Variants in TRMT11 observed in about 807,000 individuals in gnomAD.
TRMT11 encodes the protein tRNA (guanine(10)-N(2))-methyltransferase TRMT11.
TRMT11 carries 53 observed loss-of-function variants against 62.8 expected under a neutral mutation model. The ratio of observed to expected loss-of-function variants is 0.84; its 90% CI spans 0.68 to 1.06. TRMT11 has a LOEUF of 1.06. TRMT11 is among the 50% of genes least tolerant of loss of function. The pLI, the probability that TRMT11 is intolerant of heterozygous loss-of-function variation, is 0.00. For synonymous variants in TRMT11, 188 were observed against 190.3 expected (o/e 0.99, Z 0.10); for missense variants, 556 against 553.4 (o/e 1.00, Z -0.05).
the TRMT11 span, among the ~76,000 whole-genome samples, chr6:126,211,529 T>C: frequency 2.6e-5 from 4 of 152,132 alleles, no homozygotes; most frequent in South Asian, 8.3e-4. Context: ...ATAACTCTTA[T>C]AATCCACTCT....
intron 21 of TRMT11, among the ~76,000 whole-genome samples, chr6:126,165,529 C>T (rs1033653344): frequency 2.0e-5 from 3 of 152,056 alleles, no homozygotes; most frequent in Non-Finnish European, 1.5e-5. Flanking sequence ...TTTATTTCTC[C>T]TTTGCTTATG....
chr6:126,078,125 A>G (rs1480736272), intron 17 of TRMT11, among the ~76,000 whole-genome samples: 1 of 152,160 alleles, frequency 6.6e-6, no homozygotes, highest in Admixed American at 6.5e-5. Context: ...AATCTAGCCC[A>G]TCCATTCTTA....
chr6:126,207,100 G>A (rs747509404), downstream of TRMT11, among the ~76,000 whole-genome samples: 5 of 152,182 alleles, frequency 3.3e-5, no homozygotes, highest in East Asian at 1.9e-4. Context: ...TCTCCACTTC[G>A]AATTGAATGA....
At chr6:126,058,880 G>T (rs1229446286) in intron 17 of TRMT11, among the ~76,000 whole-genome samples, 15 of 151,934 alleles carry the variant, frequency 9.9e-5, no homozygotes, top group Admixed American at 9.8e-4. Context: ...AAAAGGATAG[G>T]GCCCACGGAG....
At chr6:126,063,476 G>A (rs1438973407) in intron 17 of TRMT11, among the ~76,000 whole-genome samples, 1 of 152,204 alleles carries the variant, frequency 6.6e-6, no homozygotes, top group African/African-American at 2.4e-5. Context: ...AGTTCTGTTT[G>A]ATTTTGTGAA....
At chr6:126,053,308 TG>T (rs1402162096) in intron 17 of TRMT11, among the ~76,000 whole-genome samples, 1 of 152,212 alleles carries the variant, frequency 6.6e-6, no homozygotes, top group African/African-American at 2.4e-5. Flanking sequence ...GTGTTTCTGA[TG>T]TTTTGACATC....
intron 12 of TRMT11, among the ~76,000 whole-genome samples, chr6:126,036,069 C>A (rs1162043888): frequency 6.6e-6 from 1 of 152,010 alleles, no homozygotes; most frequent in African/African-American, 2.4e-5. Flanking sequence ...TACTGCAGTT[C>A]TAGAATATTC....
chr6:126,020,613 A>C (rs1383225949), intron 11 of TRMT11, among the ~76,000 whole-genome samples: 1 of 152,224 alleles, frequency 6.6e-6, no homozygotes, highest in Admixed American at 6.5e-5. Flanking sequence ...GTTGTAGTTT[A>C]TTTGAATAAT....
chr6:126,047,443 C>T (rs1216790515), intron 16 of TRMT11, among the ~76,000 whole-genome samples: 1 of 151,716 alleles, frequency 6.6e-6, no homozygotes, highest in Non-Finnish European at 1.5e-5. Flanking sequence ...GATCATCTTC[C>T]CACTCCATCC....
chr6:126,263,069 C>T, the TRMT11 span, among the ~76,000 whole-genome samples: 1 of 152,040 alleles, frequency 6.6e-6, no homozygotes, highest in African/African-American at 2.4e-5. Context: ...CTATTCTCTT[C>T]AGTGTTAAAG....
At chr6:126,148,081 C>T (rs1267385929) in intron 21 of TRMT11, among the ~76,000 whole-genome samples, 1 of 152,080 alleles carries the variant, frequency 6.6e-6, no homozygotes, top group African/African-American at 2.4e-5. Context: ...GTATGATGCT[C>T]TATATAAAAT....
chr6:126,136,219 G>C (rs1282119101), intron 21 of TRMT11, among the ~76,000 whole-genome samples: 1 of 151,272 alleles, frequency 6.6e-6, no homozygotes, highest in Non-Finnish European at 1.5e-5. Context: ...TTTTGCAGAA[G>C]ACTTGATCTT....
chr6:126,010,071 A>G (rs1035244197), intron 8 of TRMT11, among the ~76,000 whole-genome samples: 2 of 152,084 alleles, frequency 1.3e-5, no homozygotes, highest in Non-Finnish European at 2.9e-5. Flanking sequence ...TCTAGCTACC[A>G]CTTTGTTTTC....
intron 21 of TRMT11, among the ~76,000 whole-genome samples, chr6:126,128,707 A>C (rs1484879811): frequency 1.3e-5 from 2 of 152,228 alleles, no homozygotes; most frequent in East Asian, 3.9e-4. Flanking sequence ...TTCAAATCAC[A>C]AATAAGCACC....
intron 1 of TRMT11, 166 bp downstream of exon 1, chr6:125,986,788 G>T: frequency 1.6e-6 from 1 of 630,954 alleles, no homozygotes; most frequent in Non-Finnish European, 2.7e-6. Flanking sequence ...GCTTGGCGGA[G>T]GGTGTGTGTG....
rs78934047 is a variant in TRMT11, at chr6:126,009,227, C to T, written c.760+755C>T. ...GGATTAATAACTAGTCTTTGAGGTACTATTTATGTTTCTAATTTTATAACT... is the reference window on the plus strand; with the variant it reads ...GGATTAATAACTAGTCTTTGAGGTATTATTTATGTTTCTAATTTTATAACT... On this transcript the variant is annotated intron_variant, in intron 8 of 12. Transcript: ENST00000334379. 1.7e-3 allele frequency: 253 copies of T among 152,004 alleles called. 1 individual carries two copies. The highest frequency in any genetic ancestry group is 5.9e-3 in the African/African-American group (244 of 41,510). 9.4% of individuals were successfully genotyped at this position (152,004 alleles called of 1,614,324 possible). A position where few individuals can be genotyped will look rare whatever the true frequency, so the allele number is the denominator to read the frequency against.
At chr6:126,215,101 C>T in the TRMT11 span, among the ~76,000 whole-genome samples, 1 of 151,566 alleles carries the variant, frequency 6.6e-6, no homozygotes, top group South Asian at 2.1e-4. Flanking sequence ...TGTTTTGTTG[C>T]TCCACACATA....
chr6:126,125,612 A>C (rs1275700830), intron 21 of TRMT11, among the ~76,000 whole-genome samples: 1 of 152,084 alleles, frequency 6.6e-6, no homozygotes. Flanking sequence ...CACAACAGAC[A>C]TGGTCCCTGT....
chr6:126,237,172 G>A, the TRMT11 span, among the ~76,000 whole-genome samples: 10 of 151,982 alleles, frequency 6.6e-5, no homozygotes, highest in East Asian at 1.9e-4. Flanking sequence ...GAGCCTTTCC[G>A]GGAAACCAGA....
Sources: gnomAD v4.1 joint callset for allele counts (sites outside exome capture counted in the v4.1 genomes callset) on GRCh38, gnomAD v4.1.1 for gene constraint, MANE v1.5 for transcripts, NCBI Gene and HGNC (gene_info 2026-07-23, HGNC 2026-07-21) for gene names.